SLC25A21: variants seen among roughly 807,000 people sequenced by gnomAD.
SLC25A21 encodes the protein solute carrier family 25 member 21.
In SLC25A21, 47 loss-of-function variants were observed where a neutral mutation model predicts 43.8. That is an observed-to-expected ratio of 1.07 (90% CI 0.85 to 1.37). The LOEUF is 1.37. Among genes scored for constraint, SLC25A21 ranks in the 40% most tolerant of loss-of-function variants. SLC25A21 has a pLI of 0.00. For missense variants in SLC25A21, 352 were observed against 350.2 expected (o/e 1.00, Z -0.04); for synonymous variants, 131 against 121.3 (o/e 1.08, Z -0.52).
intron 1 of SLC25A21, among the ~76,000 whole-genome samples, chr14:37,032,547 C>CA (rs1446747281): frequency 6.0e-5 from 9 of 150,308 alleles, no homozygotes; most frequent in Admixed American, 3.3e-4. Flanking sequence ...ACAACAACAA[C>CA]AAAAAAATGA....
At chr14:37,012,220 G>A (rs1960748998) in intron 1 of SLC25A21, among the ~76,000 whole-genome samples, 1 of 152,148 alleles carries the variant, frequency 6.6e-6, no homozygotes, top group South Asian at 2.1e-4. Context: ...AAATTAGAAG[G>A]TAGCATGATA....
At chr14:36,716,495 T>C (rs891451919) in intron 6 of SLC25A21, among the ~76,000 whole-genome samples, 1 of 152,206 alleles carries the variant, frequency 6.6e-6, no homozygotes, top group Non-Finnish European at 1.5e-5. Flanking sequence ...ACTGTCTGTA[T>C]CCTGTAACAC....
At chr14:37,048,660 A>G (rs1006534295) in intron 1 of SLC25A21, among the ~76,000 whole-genome samples, 2 of 152,066 alleles carry the variant, frequency 1.3e-5, no homozygotes, top group African/African-American at 4.8e-5. Flanking sequence ...CCAAAACTTT[A>G]CTCTGGTGTT....
chr14:36,684,709 C>A (rs769069480), intron 8 of SLC25A21, 35 bp downstream of exon 8: 16 of 1,569,388 alleles, frequency 1.0e-5, no homozygotes, highest in African/African-American at 1.4e-5. Flanking sequence ...ACGTGAGCCT[C>A]ATACATTTAT....
At chr14:37,094,384 C>A (rs945529150) in intron 1 of SLC25A21, among the ~76,000 whole-genome samples, 1 of 151,996 alleles carries the variant, frequency 6.6e-6, no homozygotes, top group Non-Finnish European at 1.5e-5. Flanking sequence ...TAAGATGATG[C>A]CTATTAATAT....
At chr14:36,894,680 C>T (rs1238043192) in intron 1 of SLC25A21, among the ~76,000 whole-genome samples, 1 of 152,130 alleles carries the variant, frequency 6.6e-6, no homozygotes, top group Admixed American at 6.5e-5. Flanking sequence ...GTGGGTTTGT[C>T]ATAGATAGCT....
In SLC25A21 at chr14:36,820,261, T is replaced by C. The variant is rs555468223; in HGVS notation, c.120-6260A>G. Among the ~76,000 whole-genome samples, 111 of 152,340 alleles carry C rather than the reference T, an allele frequency of 7.3e-4. No individual in the cohort carries two copies. The Middle Eastern group carries it at 0.014, about 19-fold the overall frequency. ...TTGGAAACACATTCACATCCATCAT[T>C]CATCCTTATTGTGACTTTTACTTTA... On this transcript the variant is annotated intron_variant, in intron 2 of 9. Coordinates refer to ENST00000331299, the MANE Select transcript of SLC25A21 (RefSeq NM_030631.4).
intron 7 of SLC25A21, among the ~76,000 whole-genome samples, chr14:36,685,554 T>C (rs1212948785): frequency 6.6e-6 from 1 of 152,208 alleles, no homozygotes; most frequent in East Asian, 1.9e-4. Context: ...GTCACTGGAG[T>C]AATTGGCTGA....
intron 1 of SLC25A21, among the ~76,000 whole-genome samples, chr14:37,028,834 G>A (rs1961147252): frequency 6.6e-6 from 1 of 152,128 alleles, no homozygotes; most frequent in African/African-American, 2.4e-5. Flanking sequence ...AATTACTTAA[G>A]TGGTTTAAAG....
intron 1 of SLC25A21, among the ~76,000 whole-genome samples, chr14:37,030,794 A>G (rs944952366): frequency 7.9e-5 from 12 of 152,280 alleles, no homozygotes; most frequent in Non-Finnish European, 1.3e-4. Flanking sequence ...AGAAACCCCT[A>G]GCTGATCAGG....
intron 1 of SLC25A21, chr14:37,098,108 T>C (rs1336996636): frequency 2.0e-5 from 3 of 152,114 alleles, no homozygotes; most frequent in Admixed American, 6.6e-5. Context: ...CCAAAAACAA[T>C]TCACAGTATT....
chr14:37,156,694 T>TAAAGG (rs1963856921), intron 1 of SLC25A21, among the ~76,000 whole-genome samples: 1 of 150,836 alleles, frequency 6.6e-6, no homozygotes, highest in South Asian at 2.1e-4. Context: ...ATGGTCATTA[T>TAAAGG]GTAATGATAA....
chr14:36,818,984 G>A (rs1356916577), intron 2 of SLC25A21, among the ~76,000 whole-genome samples: 2 of 152,180 alleles, frequency 1.3e-5, no homozygotes, highest in African/African-American at 4.8e-5. Flanking sequence ...CTTCTCCATT[G>A]TCCTAATAAA....
At chr14:36,686,580 T>C (rs1882556115) in intron 7 of SLC25A21, among the ~76,000 whole-genome samples, 1 of 152,162 alleles carries the variant, frequency 6.6e-6, no homozygotes, top group Non-Finnish European at 1.5e-5. Context: ...AAAACAATAA[T>C]ATAAGTAAAA....
At chr14:37,128,422 T>G (rs1963332442) in intron 1 of SLC25A21, among the ~76,000 whole-genome samples, 1 of 152,184 alleles carries the variant, frequency 6.6e-6, no homozygotes. Context: ...TACATTAAAT[T>G]GTGTTATTTC....
intron 1 of SLC25A21, among the ~76,000 whole-genome samples, chr14:37,009,305 T>A (rs1316708546): frequency 6.6e-6 from 1 of 151,934 alleles, no homozygotes; most frequent in East Asian, 1.9e-4. Context: ...CTGGCCAACA[T>A]GGCAAAACCG....
At chr14:36,890,018 G>A (rs1243208382) in intron 1 of SLC25A21, among the ~76,000 whole-genome samples, 1 of 152,132 alleles carries the variant, frequency 6.6e-6, no homozygotes, top group African/African-American at 2.4e-5. Context: ...TGCCTACTGT[G>A]TACATAGTGC....
chr14:36,761,257 C>A (rs1457538169), intron 3 of SLC25A21, among the ~76,000 whole-genome samples: 2 of 152,214 alleles, frequency 1.3e-5, no homozygotes, highest in Non-Finnish European at 2.9e-5. Flanking sequence ...CTACTCTCCC[C>A]GTCTGCCTTT....
intron 1 of SLC25A21, among the ~76,000 whole-genome samples, chr14:36,952,045 C>G (rs1892824530): frequency 6.6e-6 from 1 of 152,024 alleles, no homozygotes; most frequent in South Asian, 2.1e-4. Flanking sequence ...ACCAGCCTGG[C>G]CAACATGATG....
Sources: allele counts gnomAD v4.1 joint callset (sites outside exome capture counted in the v4.1 genomes callset), GRCh38; gene constraint gnomAD v4.1.1; transcripts MANE v1.5; gene names NCBI Gene and HGNC (gene_info 2026-07-23, HGNC 2026-07-21).